EXOC4: variants seen among roughly 807,000 people sequenced by gnomAD.
EXOC4 encodes the protein SEC8-like 1.
In EXOC4, 71 loss-of-function variants were observed where a neutral mutation model predicts 107.2. That is an observed-to-expected ratio of 0.66 (90% CI 0.55 to 0.81). EXOC4 has a LOEUF of 0.81. EXOC4 is among the 30% of genes least tolerant of loss of function. EXOC4 has a pLI of 0.00. For missense variants in EXOC4, 1,108 were observed against 1,189.6 expected (o/e 0.93, Z 1.01); for synonymous variants, 456 against 441.2 (o/e 1.03, Z -0.42).
chr7:134,039,805 A>T (rs1042817616), intron 17 of EXOC4, among the ~76,000 whole-genome samples: 3 of 152,304 alleles, frequency 2.0e-5, no homozygotes, highest in Admixed American at 6.5e-5. Flanking sequence ...GAAGTCTTGG[A>T]TGGTTGTTCA....
chr7:133,475,385 G>A lies in EXOC4; in HGVS notation c.1240G>A (p.Ala414Thr). The A allele has an allele frequency of 6.2e-7, 1 of 1,614,020 alleles. No individual in the cohort carries two copies. The highest frequency in any genetic ancestry group is 8.5e-7 in the Non-Finnish European group (1 of 1,179,902). ...TACTCGTACGGCCTCTGAACCATCA[G>A]CTCAACTAAGCTATGCCAGCACTGG... ...KNTRTASEPS[A>T]QLSYASTGRE... Residue 414 changes from alanine to threonine, a missense_variant, in exon 8 of 18, where the codon GCT (alanine) becomes ACT (threonine). Ala to Thr is a moderately conservative substitution (Grantham distance 58). Transcript: ENST00000253861.
At chr7:133,885,307 C>T (rs1175850535) in intron 11 of EXOC4, among the ~76,000 whole-genome samples, 2 of 145,952 alleles carry the variant, frequency 1.4e-5, no homozygotes, top group Non-Finnish European at 3.0e-5. Flanking sequence ...AGTGAGACCC[C>T]GTCTCAAAAA....
In EXOC4 at chr7:133,388,946, A is replaced by G. The variant is rs1796790381; in HGVS notation, c.1182+13944A>G. ...CTGGCTTTGGCTGATTGCTAGCGTC[A>G]TTTGCTATTTATTTTTGTCCTGTAT... On this transcript the variant is annotated intron_variant, in intron 7 of 17. Transcript: ENST00000253861. Among the ~76,000 whole-genome samples, 3 of 152,060 alleles carry G rather than the reference A, an allele frequency of 2.0e-5. No homozygotes were observed. In the South Asian group the frequency reaches 6.2e-4, roughly 32 times the overall value.
chr7:133,936,854 T>G (rs1282046514), intron 13 of EXOC4, among the ~76,000 whole-genome samples: 3 of 152,134 alleles, frequency 2.0e-5, no homozygotes, highest in Non-Finnish European at 4.4e-5. Context: ...GAGACGGGGT[T>G]TCACTGTTGT....
intron 7 of EXOC4, among the ~76,000 whole-genome samples, chr7:133,474,829 T>G (rs1424583): frequency 0.29 from 44,068 of 151,958 alleles, 6,635 homozygotes; most frequent in Middle Eastern, 0.4. Flanking sequence ...TTTACAGGTC[T>G]TGAACCTCTG....
chr7:133,739,222 T>TGTG (rs1795510845), intron 10 of EXOC4, among the ~76,000 whole-genome samples: 70 of 142,410 alleles, frequency 4.9e-4, no homozygotes, highest in East Asian at 1.9e-3. Flanking sequence ...GTAGAGGGGT[T>TGTG]TGTGTGTGTG....
chr7:134,027,971 G>A (rs1465520902), intron 17 of EXOC4, among the ~76,000 whole-genome samples: 2 of 152,182 alleles, frequency 1.3e-5, no homozygotes, highest in Non-Finnish European at 2.9e-5. Flanking sequence ...CCCTCCTGGA[G>A]CTCTCAACAC....
rs539133711 is a variant in EXOC4 at position 134,065,153 on chromosome 7, G to C, written c.*625G>C. On this transcript the variant is annotated 3_prime_UTR_variant, in exon 18 of 18. Coordinates refer to ENST00000253861, the MANE Select transcript of EXOC4 (RefSeq NM_021807.4). ...CCCAGTCCCTGGGACAGTTTTGTAT[G>C]CTGTATCTTGTACACAGGTTGTAGG... 1 of 152,670 alleles carries C rather than the reference G, an allele frequency of 6.6e-6. No homozygotes were observed. Among genetic ancestry groups the C allele is most frequent in the South Asian group, 2.1e-4 (1 of 4,820 alleles). The allele number at this position is 152,670 out of a possible 1,614,324, so 9.5% of individuals were successfully genotyped here. A position where few individuals can be genotyped will look rare whatever the true frequency, so the allele number is the denominator to read the frequency against.
chr7:133,868,427 C>G (rs1339532080), intron 11 of EXOC4, among the ~76,000 whole-genome samples: 1 of 152,178 alleles, frequency 6.6e-6, no homozygotes, highest in Admixed American at 6.5e-5. Context: ...CACCCTTGAT[C>G]GTTCATGCAA....
chr7:133,745,903 A>G (rs567668951), intron 10 of EXOC4, among the ~76,000 whole-genome samples: 6 of 152,220 alleles, frequency 3.9e-5, no homozygotes, highest in Non-Finnish European at 7.4e-5. Context: ...CTTCTCTTCA[A>G]TAAGTACGTG....
At chr7:133,864,745 C>T (rs76316815) in intron 11 of EXOC4, among the ~76,000 whole-genome samples, 1,580 of 152,138 alleles carry the variant, frequency 0.01, 28 homozygotes, top group African/African-American at 0.036. Context: ...TTGTCATGTG[C>T]GGTTCATCTG....
At chr7:133,261,058 G>T (rs1795140332) in intron 1 of EXOC4, among the ~76,000 whole-genome samples, 1 of 152,002 alleles carries the variant, frequency 6.6e-6, no homozygotes, top group Non-Finnish European at 1.5e-5. Context: ...AGATACAGAA[G>T]CTTATCTTCT....
At chr7:133,692,045 G>C (rs1794431977) in intron 10 of EXOC4, among the ~76,000 whole-genome samples, 1 of 152,136 alleles carries the variant, frequency 6.6e-6, no homozygotes, top group South Asian at 2.1e-4. Flanking sequence ...TGGGTCAAGA[G>C]TGTCTTTGGA....
chr7:133,355,879 A>G (rs1158114520), intron 5 of EXOC4, among the ~76,000 whole-genome samples: 1 of 151,830 alleles, frequency 6.6e-6, no homozygotes, highest in Admixed American at 6.6e-5. Flanking sequence ...TTTATTTATC[A>G]CTCTTCCCCC....
At chr7:133,568,883 T>C (rs947398966) in intron 9 of EXOC4, among the ~76,000 whole-genome samples, 1 of 152,144 alleles carries the variant, frequency 6.6e-6, no homozygotes, top group Non-Finnish European at 1.5e-5. Flanking sequence ...GAAGGATTTA[T>C]TTAGAAGAAC....
At chr7:133,520,674 T>A (rs1403207102) in intron 9 of EXOC4, among the ~76,000 whole-genome samples, 2 of 152,022 alleles carry the variant, frequency 1.3e-5, no homozygotes. Context: ...ACAGGGGAGA[T>A]CTTTCTGGTG....
At chr7:134,085,570 A>T in the EXOC4 span, among the ~76,000 whole-genome samples, 1 of 152,228 alleles carries the variant, frequency 6.6e-6, no homozygotes, top group African/African-American at 2.4e-5. Context: ...CACTGGAGGT[A>T]TAACCTGGAT....
intron 17 of EXOC4, among the ~76,000 whole-genome samples, chr7:134,008,663 G>A (rs79172360): frequency 0.02 from 3,001 of 151,946 alleles, 53 homozygotes; most frequent in Non-Finnish European, 0.03. Context: ...TTTTTTAAGT[G>A]ACAGGGTATT....
chr7:133,387,285 GTGTT>G (rs1404294759), intron 7 of EXOC4, among the ~76,000 whole-genome samples: 4 of 152,192 alleles, frequency 2.6e-5, no homozygotes, highest in African/African-American at 9.7e-5. Flanking sequence ...GTTTAGGAGA[GTGTT>G]TGTGTTCTGC....
Sources: gnomAD v4.1 joint callset for allele counts (sites outside exome capture counted in the v4.1 genomes callset) on GRCh38, gnomAD v4.1.1 for gene constraint, MANE v1.5 for transcripts, NCBI Gene and HGNC (gene_info 2026-07-23, HGNC 2026-07-21) for gene names.